Variants in TMEM61 observed in about 807,000 individuals in gnomAD.
TMEM61 encodes the protein transmembrane protein 61.
In TMEM61, 13 loss-of-function variants were observed where a neutral mutation model predicts 12.0. The ratio of observed to expected loss-of-function variants is 1.08; its 90% CI spans 0.70 to 1.72. The LOEUF is 1.72. Ranked by LOEUF, TMEM61 falls within the 40% of genes most tolerant of loss-of-function variation. TMEM61 has a pLI of 0.00. For missense variants in TMEM61, 249 were observed against 276.9 expected, an observed-to-expected ratio of 0.90 and a Z score of 0.71; for synonymous variants, 109 against 121.4, an observed-to-expected ratio of 0.90 and a Z score of 0.67.
intron 1 of TMEM61, 104 bp from the exon 2 acceptor site, chr1:54,985,993 C>T: frequency 9.7e-7 from 1 of 1,030,822 alleles, no homozygotes; most frequent in Non-Finnish European, 1.4e-6. Context: ...AGTTAAGTGA[C>T]TTCTCCAAGG....
chr1:54,982,934 A>G (rs1644232882), intron 1 of TMEM61, among the ~76,000 whole-genome samples: 1 of 152,044 alleles, frequency 6.6e-6, no homozygotes, highest in South Asian at 2.1e-4. Flanking sequence ...ACACCTGTAA[A>G]GTCCTTGGCA....
intron 2 of TMEM61, among the ~76,000 whole-genome samples, chr1:54,987,780 G>A (rs747955919): frequency 2.6e-5 from 4 of 152,214 alleles, no homozygotes; most frequent in Non-Finnish European, 4.4e-5. Context: ...TTCCTCCCAC[G>A]TCAGTCCTAA....
In TMEM61 at chr1:54,986,386, A is replaced by C. The variant is rs1201126079; in HGVS notation, c.305A>C (p.Tyr102Ser). The part of the protein sequence containing the change: ...SIPGPPRWDP[Y>S]HLSRDLYYLT... Reference sequence around the variant, plus strand: ...CCAGGGCCACCTCGATGGGACCCCTATCACCTCTCCAGAGACCTGTACTAC... The same window carrying C: ...CCAGGGCCACCTCGATGGGACCCCTCTCACCTCTCCAGAGACCTGTACTAC... Residue 102 changes from tyrosine (Y) to serine (S), a missense_variant, in exon 2 of 3, where the codon TAT becomes TCT. Transcript: ENST00000371268. 6.2e-7 allele frequency: 1 copy of C among 1,611,910 alleles called. No homozygotes were observed. Among genetic ancestry groups the C allele is most frequent in the South Asian group, 1.1e-5 (1 of 90,818 alleles).
chr1:54,986,708 A>G (rs1644263836), intron 2 of TMEM61, among the ~76,000 whole-genome samples: 1 of 151,666 alleles, frequency 6.6e-6, no homozygotes, highest in African/African-American at 2.4e-5. Context: ...ACATGGAGAA[A>G]CCCAGGAAGG....
chr1:54,986,488 AG>A, intron 2 of TMEM61, 42 bp downstream of exon 2: 2 of 1,479,500 alleles, frequency 1.4e-6, no homozygotes, highest in Non-Finnish European at 1.8e-6. Flanking sequence ...GACTGCAGGT[AG>A]GGGCCCAGTC....
chr1:54,985,546 T>C (rs1346242961), intron 1 of TMEM61, among the ~76,000 whole-genome samples: 1 of 152,198 alleles, frequency 6.6e-6, no homozygotes, highest in Non-Finnish European at 1.5e-5. Context: ...TTGCTGAACA[T>C]CTTTTTCCAT....
rs184442175 is a variant in TMEM61 at position 54,992,059 on chromosome 1, C to G, written c.589C>G (p.Arg197Gly). 6.2e-7 allele frequency: 1 copy of G among 1,613,452 alleles called. No individual in the cohort carries two copies. Residue 197 changes from arginine to glycine, a missense_variant, in exon 3 of 3, where the codon CGC becomes GGC. Physicochemically the swap from Arg to Gly is moderately radical, Grantham distance 125. Coordinates refer to ENST00000371268, the MANE Select transcript of TMEM61 (RefSeq NM_182532.3). ...TGCGGAGACGACACCGAGTGCCACA[C>G]GCTCCTGCTCAGGCCTGGTTCAGAC... ...VSAETTPSATRSCSGLVQTAR... is the reference protein window; with the variant it reads ...VSAETTPSATGSCSGLVQTAR...
At chr1:54,981,800 C>A (rs1440367091) in intron 1 of TMEM61, among the ~76,000 whole-genome samples, 5 of 152,088 alleles carry the variant, frequency 3.3e-5, no homozygotes, top group African/African-American at 1.2e-4. Context: ...GCCCCCTTGC[C>A]AGGGGGCAGA....
At chr1:54,983,711 A>T (rs752340178) in intron 1 of TMEM61, among the ~76,000 whole-genome samples, 3 of 152,158 alleles carry the variant, frequency 2.0e-5, no homozygotes, top group Non-Finnish European at 4.4e-5. Flanking sequence ...GAGTACCATA[A>T]CATACAGGCA....
At chr1:54,985,259 C>G (rs1354682564) in intron 1 of TMEM61, among the ~76,000 whole-genome samples, 1 of 82,304 alleles carries the variant, frequency 1.2e-5, no homozygotes, top group Non-Finnish European at 4.0e-5. Flanking sequence ...GTGTGTGTGA[C>G]AGAGTCTCAC....
Position 54,986,106 on chromosome 1 carries a change from G to A in TMEM61, c.25G>A (p.Gly9Arg), listed in dbSNP as rs563563686. The A allele has an allele frequency of 1.5e-5, 24 of 1,585,210 alleles. No homozygotes were observed. In the East Asian group the frequency reaches 1.8e-4, roughly 12 times the overall value. Reference sequence around the variant, plus strand: ...CCTTCTCTGTGTCCAGATGTGTGACGGGAGCCACTTGGCCTCCACCCTCCG... The same window carrying A: ...CCTTCTCTGTGTCCAGATGTGTGACAGGAGCCACTTGGCCTCCACCCTCCG... MALPQMCD[G>R]SHLASTLRYC... Residue 9 changes from glycine (G) to arginine (R), a missense_variant, in exon 2 of 3, where the codon GGG (glycine) becomes AGG (arginine). Coordinates refer to ENST00000371268, the MANE Select transcript of TMEM61 (RefSeq NM_182532.3).
chr1:54,987,959 C>G (rs933468595), intron 2 of TMEM61, among the ~76,000 whole-genome samples: 1 of 152,252 alleles, frequency 6.6e-6, no homozygotes, highest in Non-Finnish European at 1.5e-5. Context: ...AGAGATGATG[C>G]AGTACAGTCA....
intron 1 of TMEM61, among the ~76,000 whole-genome samples, chr1:54,985,642 C>A (rs900897077): frequency 2.6e-5 from 4 of 152,218 alleles, no homozygotes; most frequent in Admixed American, 2.6e-4. Context: ...GTATCTTCCT[C>A]TATTCAGTAA....
intron 1 of TMEM61, among the ~76,000 whole-genome samples, chr1:54,984,481 G>A (rs978111801): frequency 6.6e-6 from 1 of 152,180 alleles, no homozygotes; most frequent in African/African-American, 2.4e-5. Context: ...CTGTGCTGTG[G>A]AAGCTGGAAT....
intron 2 of TMEM61, 59 bp from the exon 3 acceptor site, chr1:54,991,777 C>T: frequency 6.4e-7 from 1 of 1,568,088 alleles, no homozygotes; most frequent in Non-Finnish European, 8.7e-7. Flanking sequence ...CACTGTCTCT[C>T]TGGCAGGCAG....
chr1:54,982,044 C>A (rs1360151801), intron 1 of TMEM61, among the ~76,000 whole-genome samples: 2 of 152,164 alleles, frequency 1.3e-5, no homozygotes, highest in Non-Finnish European at 2.9e-5. Flanking sequence ...CATCCTCGGT[C>A]CAGCCTTGTG....
At chr1:54,982,488 G>A (rs1317574036) in intron 1 of TMEM61, among the ~76,000 whole-genome samples, 4 of 152,254 alleles carry the variant, frequency 2.6e-5, no homozygotes, top group Non-Finnish European at 5.9e-5. Context: ...CACCCCAACC[G>A]TCCCCCAGGA....
At position 54,992,087 on chromosome 1, in the gene TMEM61, C is replaced by A. The variant is rs769377627; in HGVS notation, c.617C>A (p.Ala206Glu). 5.0e-6 allele frequency: 8 copies of A among 1,612,304 alleles called. No individual in the cohort carries two copies. The South Asian group carries it at 6.6e-5, about 13-fold the overall frequency. ...TCCTGCTCAGGCCTGGTTCAGACTG[C>A]ACGGGGAGGAAGTTAAAGGCTCCTA... Reference protein sequence around the residue: ...TRSCSGLVQTARGGS With the variant: ...TRSCSGLVQTERGGS Residue 206 changes from alanine to glutamate, a missense_variant, in exon 3 of 3, where the codon GCA becomes GAA. Ala to Glu is a moderately radical substitution (Grantham distance 107, BLOSUM62 -1). Transcript: ENST00000371268.
Position 54,981,064 on chromosome 1 carries a change from C to G in TMEM61, c.-2C>G, listed in dbSNP as rs999882986. ...TGGACAGCGCCTGCTGCCCGCCTCC[C>G]GATGGCCCTGCCCCAGGTGGGTGGA... On this transcript the variant is annotated 5_prime_UTR_variant, in exon 1 of 3. Transcript: ENST00000371268. 6.3e-6 allele frequency: 10 copies of G among 1,584,698 alleles called. No homozygotes were observed. The highest frequency in any genetic ancestry group is 8.6e-6 in the Non-Finnish European group (10 of 1,164,800).
Sources: allele counts gnomAD v4.1 joint callset (sites outside exome capture counted in the v4.1 genomes callset), GRCh38; gene constraint gnomAD v4.1.1; transcripts MANE v1.5; gene names NCBI Gene and HGNC (gene_info 2026-07-23, HGNC 2026-07-21).